Variants in NPAS2 observed in about 807,000 individuals in gnomAD.
NPAS2 encodes the protein neuronal PAS domain protein 2.
In NPAS2, 23 loss-of-function variants were observed where a neutral mutation model predicts 107.5. The ratio of observed to expected loss-of-function variants is 0.21; its 90% CI spans 0.15 to 0.30. NPAS2 has a LOEUF of 0.30. Among genes scored for constraint, NPAS2 ranks in the 10% least tolerant of loss-of-function variants. NPAS2 has a pLI of 1.00. For synonymous variants in NPAS2, 403 were observed against 417.5 expected, an observed-to-expected ratio of 0.97 and a Z score of 0.42; for missense variants, 756 against 1,043.3, an observed-to-expected ratio of 0.72 and a Z score of 3.79.
At chr2:100,884,187 T>G (rs1284782763) in intron 1 of NPAS2, among the ~76,000 whole-genome samples, 2 of 152,174 alleles carry the variant, frequency 1.3e-5, no homozygotes, top group Non-Finnish European at 2.9e-5. Context: ...GTGAAACCCC[T>G]ATATTTGTCA....
Position 100,979,502 on chromosome 2 carries a change from ATTTTTTTTTT to A in NPAS2, c.1482+1720_1482+1729del, listed in dbSNP as rs757799235. The stretch of plus-strand genomic sequence containing the variant: ...TAACTATATATATATATATATATAT[ATTTTTTTTTT>A]TTTTTTTTTTTTTTTTCTGAGACGG... On this transcript the variant is annotated intron_variant, in intron 15 of 20. Coordinates refer to ENST00000335681, the MANE Select transcript of NPAS2 (RefSeq NM_002518.4). Among the ~76,000 whole-genome samples the A allele has an allele frequency of 3.2e-4, 14 of 43,322 alleles. No homozygotes were observed. The South Asian group carries it at 3.4e-3, about 10-fold the overall frequency. The allele number at this position is 43,322 out of a possible 152,430, so 28.4% of individuals were successfully genotyped here. A position where few individuals can be genotyped will look rare whatever the true frequency, so the allele number is the denominator to read the frequency against.
At chr2:100,912,828 C>T (rs1489997053) in intron 2 of NPAS2, among the ~76,000 whole-genome samples, 4 of 152,194 alleles carry the variant, frequency 2.6e-5, no homozygotes, top group African/African-American at 9.7e-5. Context: ...CCAAGTCCAG[C>T]CTTTATTCAA....
At chr2:100,975,309 G>A (rs1676910771) in intron 13 of NPAS2, 149 bp from the exon 14 acceptor site, 2 of 728,322 alleles carry the variant, frequency 2.7e-6, no homozygotes. Flanking sequence ...GGCTTCTGTG[G>A]TTCAGCTCAA....
chr2:100,840,008 T>C (rs1269017110), intron 1 of NPAS2, among the ~76,000 whole-genome samples: 1 of 152,232 alleles, frequency 6.6e-6, no homozygotes, highest in Non-Finnish European at 1.5e-5. Flanking sequence ...TTCTCATCTA[T>C]ATTCAGGGAA....
chr2:100,949,226 CA>C, intron 6 of NPAS2, 140 bp from the exon 7 acceptor site: 1 of 650,536 alleles, frequency 1.5e-6, no homozygotes. Context: ...AAACCAGGCC[CA>C]AAAGTCAGTC....
chr2:100,852,033 T>G (rs1256542712), intron 1 of NPAS2, among the ~76,000 whole-genome samples: 6 of 152,160 alleles, frequency 3.9e-5, no homozygotes, highest in South Asian at 4.1e-4. Flanking sequence ...GCAGCTGGTG[T>G]TGTGCTCCCA....
At chr2:100,949,578 G>C in intron 7 of NPAS2, 98 bp downstream of exon 7, 2 of 709,968 alleles carry the variant, frequency 2.8e-6, no homozygotes, top group Non-Finnish European at 4.9e-6. Flanking sequence ...GAGGGAGAAC[G>C]CGTGCTTTTC....
intron 4 of NPAS2, chr2:100,935,265 TCTC>T (rs1239232693): frequency 9.5e-5 from 17 of 179,616 alleles, no homozygotes; most frequent in Non-Finnish European, 1.7e-4. Flanking sequence ...AGCAATCTCT[TCTC>T]TTAGCCCAGA....
At chr2:100,909,281 A>G (rs1436120493) in intron 2 of NPAS2, among the ~76,000 whole-genome samples, 2 of 152,260 alleles carry the variant, frequency 1.3e-5, no homozygotes, top group African/African-American at 4.8e-5. Flanking sequence ...GAAAATAAGC[A>G]TAAAGAAGGA....
intron 1 of NPAS2, 119 bp from the exon 2 acceptor site, chr2:100,904,614 C>G: frequency 1.4e-6 from 1 of 709,548 alleles, no homozygotes; most frequent in Non-Finnish European, 2.4e-6. Context: ...CCAGGACCAA[C>G]AAGTTTGAGA....
intron 1 of NPAS2, among the ~76,000 whole-genome samples, chr2:100,826,374 G>A (rs749237721): frequency 3.3e-5 from 5 of 152,122 alleles, no homozygotes; most frequent in Non-Finnish European, 7.4e-5. Context: ...CCAGCGAGTC[G>A]GAGGTTGAAG....
In NPAS2 at chr2:100,841,925, G is replaced by A. The variant is rs114418241; in HGVS notation, c.-23+21511G>A. ...TGCACACATATAACTGCACATGTAT[G>A]TATACCATATACATAAGTGCATGTA... On this transcript the variant is annotated intron_variant, in intron 1 of 20. Transcript: ENST00000335681. 1.8e-3 allele frequency among the ~76,000 whole-genome samples: 279 copies of A among 152,286 alleles called. 1 individual carries two copies. Among genetic ancestry groups the A allele is most frequent in the African/African-American group, 6.4e-3 (267 of 41,554 alleles).
chr2:100,947,647 G>A (rs570979728), intron 5 of NPAS2, among the ~76,000 whole-genome samples: 1 of 152,184 alleles, frequency 6.6e-6, no homozygotes, highest in South Asian at 2.1e-4. Context: ...CCTGTTACGG[G>A]CAGCACAGAT....
At chr2:100,975,919 ATT>A (rs1676967084) in intron 14 of NPAS2, among the ~76,000 whole-genome samples, 1 of 152,166 alleles carries the variant, frequency 6.6e-6, no homozygotes, top group Non-Finnish European at 1.5e-5. Flanking sequence ...TGGTGAAAAT[ATT>A]TGAGCAGCTC....
intron 5 of NPAS2, among the ~76,000 whole-genome samples, chr2:100,945,204 A>C (rs868719699): frequency 2.0e-5 from 3 of 152,134 alleles, no homozygotes; most frequent in African/African-American, 7.2e-5. Context: ...CCTGGAAGCC[A>C]TGCTGAGTCC....
intron 1 of NPAS2, among the ~76,000 whole-genome samples, chr2:100,881,955 G>T (rs1433382436): frequency 2.0e-5 from 3 of 152,224 alleles, no homozygotes; most frequent in Non-Finnish European, 4.4e-5. Flanking sequence ...GCCCTGCCCG[G>T]AGCCCAGGCT....
At chr2:100,990,966 G>A in intron 19 of NPAS2, 94 bp downstream of exon 19, 1 of 1,026,542 alleles carries the variant, frequency 9.7e-7, no homozygotes, top group Non-Finnish European at 1.5e-6. Flanking sequence ...GCACTCACAT[G>A]AGCCTTGCGC....
chr2:100,964,829 C>G, intron 8 of NPAS2, 32 bp from the exon 9 acceptor site: 1 of 1,436,508 alleles, frequency 7.0e-7, no homozygotes, highest in Admixed American at 2.2e-5. Context: ...GGCACCCAAG[C>G]AACTTTTTTT....
chr2:100,819,139 C>T (rs1675893805), upstream of NPAS2, among the ~76,000 whole-genome samples: 1 of 150,658 alleles, frequency 6.6e-6, no homozygotes, highest in East Asian at 2.0e-4. This position sits in a 1 kb window ranked among gnomAD's most constrained non-coding sequence, Gnocchi z 5.8. Flanking sequence ...CGCCTGTCTC[C>T]TCCCACAGAG....
Sources: gnomAD v4.1 joint callset for allele counts (sites outside exome capture counted in the v4.1 genomes callset) on GRCh38, gnomAD v4.1.1 for gene constraint, Gnocchi (gnomAD v3.1) non-coding constraint, MANE v1.5 for transcripts, NCBI Gene and HGNC (gene_info 2026-07-23, HGNC 2026-07-21) for gene names.